The following SLC24A2 variants were observed in gnomAD, a reference collection of about 807,000 sequenced individuals.
SLC24A2 encodes solute carrier family 24 member 2, also known as sodium/potassium/calcium exchanger 2.
SLC24A2 carries 36 observed loss-of-function variants against 62.0 expected under a neutral mutation model. That is an observed-to-expected ratio of 0.58 (90% confidence interval 0.44 to 0.77). SLC24A2 has a LOEUF of 0.77. Ranked by LOEUF, SLC24A2 falls within the 30% of genes least tolerant of loss-of-function variation. The probability of loss-of-function intolerance (pLI) is 0.00; values close to 1 mark genes in which losing one functional copy is unlikely to be tolerated. For synonymous variants in SLC24A2, 358 were observed against 294.0 expected (o/e 1.22, Z -2.23); for missense variants, 846 against 817.9 (o/e 1.03, Z -0.42).
intron 2 of SLC24A2, among the ~76,000 whole-genome samples, chr9:19,729,198 C>G (rs1821262207): frequency 6.6e-6 from 1 of 152,164 alleles, no homozygotes; most frequent in African/African-American, 2.4e-5. Flanking sequence ...CATTTCACCC[C>G]AGTTAGGATG....
At chr9:20,034,737 G>C in the SLC24A2 span, among the ~76,000 whole-genome samples, 1 of 152,076 alleles carries the variant, frequency 6.6e-6, no homozygotes, top group East Asian at 1.9e-4. Flanking sequence ...CAAAGTGCTG[G>C]GATTACAGGC....
chr9:19,981,126 TTA>T, the SLC24A2 span, among the ~76,000 whole-genome samples: 1 of 152,236 alleles, frequency 6.6e-6, no homozygotes, highest in African/African-American at 2.4e-5. Context: ...AAAGAATTTC[TTA>T]TTTCTTCAGA....
chr9:20,187,068 G>A, the SLC24A2 span, among the ~76,000 whole-genome samples: 2 of 152,112 alleles, frequency 1.3e-5, no homozygotes, highest in East Asian at 3.9e-4. Flanking sequence ...TGGAGACAGT[G>A]CTCCCTGTCT....
the SLC24A2 span, among the ~76,000 whole-genome samples, chr9:20,103,763 A>G: frequency 1.3e-5 from 2 of 151,914 alleles, no homozygotes; most frequent in Non-Finnish European, 2.9e-5. Context: ...ACAGAACAGA[A>G]AAACTGGAAA....
chr9:19,934,446 C>T, the SLC24A2 span, among the ~76,000 whole-genome samples: 2 of 151,796 alleles, frequency 1.3e-5, no homozygotes, highest in Non-Finnish European at 2.9e-5. This position sits in a 1 kb window ranked among gnomAD's most constrained non-coding sequence, Gnocchi z 4.1. Flanking sequence ...CCCCGGGCTC[C>T]CGCGCACCAC....
the SLC24A2 span, among the ~76,000 whole-genome samples, chr9:19,891,903 A>G: frequency 1.3e-3 from 192 of 152,282 alleles, 1 homozygote; most frequent in Non-Finnish European, 2.5e-3. Context: ...CACCTCCAAT[A>G]TTGGGGATCA....
the SLC24A2 span, among the ~76,000 whole-genome samples, chr9:20,232,210 T>C: frequency 1.3e-5 from 2 of 152,172 alleles, no homozygotes; most frequent in Non-Finnish European, 2.9e-5. Flanking sequence ...TTTGGTTGTG[T>C]CTCTGCCAGG....
At chr9:20,036,743 A>C in the SLC24A2 span, among the ~76,000 whole-genome samples, 1 of 152,160 alleles carries the variant, frequency 6.6e-6, no homozygotes, top group Admixed American at 6.5e-5. Flanking sequence ...GATCAGTTAT[A>C]GGATGCCGGA....
intron 5 of SLC24A2, among the ~76,000 whole-genome samples, chr9:19,585,968 G>T (rs556681939): frequency 6.6e-6 from 1 of 152,124 alleles, no homozygotes; most frequent in South Asian, 2.1e-4. Flanking sequence ...AAATATGAAC[G>T]TGCTTTTGTA....
intron 10 of SLC24A2, among the ~76,000 whole-genome samples, chr9:19,518,199 A>G (rs1005665233): frequency 2.0e-5 from 3 of 152,220 alleles, no homozygotes; most frequent in Admixed American, 6.5e-5. Context: ...CTAGTTAAAT[A>G]GTAAATAAGT....
chr9:19,573,512 A>G (rs1448741273), intron 6 of SLC24A2, 43 bp from the exon 7 acceptor site: 2 of 207,240 alleles, frequency 9.7e-6, no homozygotes, highest in Non-Finnish European at 1.4e-5. Context: ...ACACACACAC[A>G]CACACACACA....
chr9:19,703,216 TAGTA>T (rs1820408904), intron 2 of SLC24A2, among the ~76,000 whole-genome samples: 1 of 152,204 alleles, frequency 6.6e-6, no homozygotes, highest in Non-Finnish European at 1.5e-5. Flanking sequence ...ATTAGAATCT[TAGTA>T]AGCAGTGCAG....
chr9:19,570,429 T>A (rs1835804757), intron 7 of SLC24A2, among the ~76,000 whole-genome samples: 1 of 152,232 alleles, frequency 6.6e-6, no homozygotes, highest in African/African-American at 2.4e-5. Context: ...AACTTCTTCC[T>A]TTGGCAGGCT....
At chr9:20,298,324 G>A in the SLC24A2 span, among the ~76,000 whole-genome samples, 1 of 152,204 alleles carries the variant, frequency 6.6e-6, no homozygotes, top group South Asian at 2.1e-4. Flanking sequence ...CACCTTCCAG[G>A]TTCAAGCGAT....
chr9:19,814,633 T>A, the SLC24A2 span, among the ~76,000 whole-genome samples: 1 of 152,160 alleles, frequency 6.6e-6, no homozygotes, highest in African/African-American at 2.4e-5. Flanking sequence ...AGGGCCATAA[T>A]CTGCATGATG....
At chr9:20,086,622 T>C in the SLC24A2 span, among the ~76,000 whole-genome samples, 1 of 152,298 alleles carries the variant, frequency 6.6e-6, no homozygotes, top group Admixed American at 6.5e-5. Context: ...TTTGTTTTTA[T>C]CGTCACAGTC....
At chr9:20,019,302 A>G in the SLC24A2 span, among the ~76,000 whole-genome samples, 3 of 149,506 alleles carry the variant, frequency 2.0e-5, no homozygotes, top group African/African-American at 5.1e-5. Flanking sequence ...AAAGAAAGAA[A>G]GAAAGAAAGA....
At chr9:19,993,869 C>T in the SLC24A2 span, among the ~76,000 whole-genome samples, 1 of 152,290 alleles carries the variant, frequency 6.6e-6, no homozygotes, top group Non-Finnish European at 1.5e-5. Flanking sequence ...ATCATTAATG[C>T]CCATGGTGAA....
chr9:20,025,235 C>A, the SLC24A2 span, among the ~76,000 whole-genome samples: 3 of 152,132 alleles, frequency 2.0e-5, no homozygotes, highest in African/African-American at 7.2e-5. Flanking sequence ...GAAAACACTA[C>A]GCTAGAATGT....
Sources: gnomAD v4.1 joint callset for allele counts (sites outside exome capture counted in the v4.1 genomes callset) on GRCh38, gnomAD v4.1.1 for gene constraint, Gnocchi (gnomAD v3.1) non-coding constraint, MANE v1.5 for transcripts, NCBI Gene and HGNC (gene_info 2026-07-23, HGNC 2026-07-21) for gene names.